The following TLN2 variants were observed in gnomAD, a reference collection of about 807,000 sequenced individuals.
TLN2 encodes the protein talin 2.
TLN2 carries 118 observed loss-of-function variants against 294.7 expected under a neutral mutation model. The ratio of observed to expected loss-of-function variants is 0.40; its 90% CI spans 0.34 to 0.47. The LOEUF is 0.47. TLN2 is among the 20% of genes least tolerant of loss of function. TLN2 has a pLI of 0.84. For missense variants in TLN2, 3,083 were observed against 3,282.2 expected (o/e 0.94, Z 1.48); for synonymous variants, 1,431 against 1,304.5 (o/e 1.10, Z -2.09).
chr15:62,700,508 G>T (rs1029119370), intron 16 of TLN2, among the ~76,000 whole-genome samples: 1 of 152,204 alleles, frequency 6.6e-6, no homozygotes, highest in African/African-American at 2.4e-5. Context: ...CCTATGATTT[G>T]CCCGAGGTCC....
intron 14 of TLN2, 49 bp from the exon 15 acceptor site, chr15:62,697,639 C>T (rs2141085406): frequency 6.4e-7 from 1 of 1,551,772 alleles, no homozygotes; most frequent in South Asian, 1.2e-5. Flanking sequence ...CCTCATTGCA[C>T]TCCACATGGC....
intron 12 of TLN2, among the ~76,000 whole-genome samples, chr15:62,689,019 A>C (rs2057534597): frequency 6.8e-6 from 1 of 148,110 alleles, no homozygotes; most frequent in African/African-American, 2.5e-5. Context: ...TTAGGGCCCA[A>C]GTCTATCATT....
chr15:62,653,228 C>T lies in TLN2; in HGVS notation c.431C>T (p.Thr144Met), dbSNP rs142023685. 6.1e-5 allele frequency: 99 copies of T among 1,612,422 alleles called. No homozygotes were observed. The highest frequency in any genetic ancestry group is 1.5e-4 in the African/African-American group (11 of 74,970). The change falls in exon 7 of 59, where the codon ACG becomes ATG. Residue 144 changes from threonine to methionine, a missense_variant. Thr to Met is a moderately conservative substitution (Grantham distance 81). Coordinates refer to ENST00000636159, the MANE Select transcript of TLN2 (RefSeq NM_015059.3). ...ATTGAAGAAAAGAAAGAGGAAGGAA[C>T]GGGCACACTCAAAAAAGACAGGACA... The part of the protein sequence containing the change: ...ETIEEKKEEG[T>M]GTLKKDRTLL...
At chr15:62,544,102 A>G (rs2041856252) in intron 1 of TLN2, among the ~76,000 whole-genome samples, 2 of 152,192 alleles carry the variant, frequency 1.3e-5, no homozygotes, top group South Asian at 4.1e-4. Flanking sequence ...TTTGTATAAT[A>G]ATCATTTGTG....
chr15:62,820,665 G>C (rs938311244), intron 54 of TLN2, 55 bp downstream of exon 54: 1 of 1,585,658 alleles, frequency 6.3e-7, no homozygotes, highest in Non-Finnish European at 8.6e-7. Context: ...TCCAGTGGGT[G>C]GCTGTGAAAT....
At chr15:62,613,007 A>C (rs1301000789) in intron 2 of TLN2, among the ~76,000 whole-genome samples, 1 of 152,184 alleles carries the variant, frequency 6.6e-6, no homozygotes, top group African/African-American at 2.4e-5. Context: ...GTAGCAGGGG[A>C]TACAGGAGTA....
intron 2 of TLN2, among the ~76,000 whole-genome samples, chr15:62,608,936 A>G (rs2140813622): frequency 6.6e-6 from 1 of 152,052 alleles, no homozygotes; most frequent in Non-Finnish European, 1.5e-5. Flanking sequence ...CAGAGGAGGG[A>G]TAAGATGGGT....
At chr15:62,410,071 G>A (rs369760216) in intron 1 of TLN2, among the ~76,000 whole-genome samples, 31 of 152,104 alleles carry the variant, frequency 2.0e-4, no homozygotes, top group African/African-American at 7.2e-4. Flanking sequence ...GTAAAACCCC[G>A]TCTCTACTAA....
intron 41 of TLN2, among the ~76,000 whole-genome samples, chr15:62,767,500 C>G (rs531157053): frequency 6.6e-6 from 1 of 152,112 alleles, no homozygotes; most frequent in Non-Finnish European, 1.5e-5. Context: ...CACCACCATG[C>G]CCGGCTAATT....
At chr15:62,818,670 T>C (rs924325580) in intron 52 of TLN2, among the ~76,000 whole-genome samples, 1 of 152,080 alleles carries the variant, frequency 6.6e-6, no homozygotes, top group African/African-American at 2.4e-5. Flanking sequence ...ACTCTGGAAA[T>C]GGATTGTTTT....
At position 62,582,237 on chromosome 15, in the gene TLN2, CA is replaced by C. The variant is rs56895598; in HGVS notation, c.-237-7449del. 9.0e-4 allele frequency among the ~76,000 whole-genome samples: 132 copies of C among 146,592 alleles called. 4 individuals carry two copies. The highest frequency in any genetic ancestry group is 4.7e-3 in the South Asian group (20 of 4,258). Reference sequence around the variant, plus strand: ...ACACACACACACACACACACACACACACACACACACATTCATGCCTGACCCA... The same window carrying C: ...ACACACACACACACACACACACACACCACACACACATTCATGCCTGACCCA... On this transcript the variant is annotated intron_variant, in intron 1 of 58. Coordinates refer to ENST00000636159, the MANE Select transcript of TLN2 (RefSeq NM_015059.3).
chr15:62,629,061 G>A (rs2049542822), intron 3 of TLN2, among the ~76,000 whole-genome samples: 1 of 152,082 alleles, frequency 6.6e-6, no homozygotes, highest in Non-Finnish European at 1.5e-5. Context: ...GCTTGGCATA[G>A]TAGCACATAC....
chr15:62,497,251 A>G (rs1052873215), intron 1 of TLN2, among the ~76,000 whole-genome samples: 2 of 152,206 alleles, frequency 1.3e-5, no homozygotes, highest in Non-Finnish European at 2.9e-5. Flanking sequence ...TATATCCTAC[A>G]TATGGACTTG....
chr15:62,454,076 A>G (rs1595841826), intron 1 of TLN2, among the ~76,000 whole-genome samples: 1 of 152,108 alleles, frequency 6.6e-6, no homozygotes, highest in East Asian at 1.9e-4. Context: ...GGCACACGCT[A>G]TGCTCCCTTC....
At chr15:62,506,436 C>A (rs1254942677) in intron 1 of TLN2, among the ~76,000 whole-genome samples, 1 of 152,212 alleles carries the variant, frequency 6.6e-6, no homozygotes, top group Non-Finnish European at 1.5e-5. Flanking sequence ...GAGGTAGTCA[C>A]ATGGGTGGTA....
intron 1 of TLN2, among the ~76,000 whole-genome samples, chr15:62,465,945 G>T (rs2037111346): frequency 6.6e-6 from 1 of 152,188 alleles, no homozygotes; most frequent in South Asian, 2.1e-4. Context: ...GGAACTCCTT[G>T]TGTCTCATTC....
chr15:62,631,979 G>A (rs7180961), intron 3 of TLN2, among the ~76,000 whole-genome samples: 40,038 of 152,016 alleles, frequency 0.26, 6,698 homozygotes, highest in East Asian at 0.65. Context: ...GGTGATGTGC[G>A]AGCCCACAAG....
intron 1 of TLN2, among the ~76,000 whole-genome samples, chr15:62,512,787 C>G (rs2039996250): frequency 6.6e-6 from 1 of 152,190 alleles, no homozygotes; most frequent in South Asian, 2.1e-4. Flanking sequence ...CCATCCTACA[C>G]AAATCCTCCA....
At chr15:62,609,699 A>T (rs1251809916) in intron 2 of TLN2, among the ~76,000 whole-genome samples, 1 of 152,112 alleles carries the variant, frequency 6.6e-6, no homozygotes, top group Non-Finnish European at 1.5e-5. Flanking sequence ...CCTGTTACCG[A>T]TGGTGCCCAG....
Sources: gnomAD v4.1 joint callset for allele counts (sites outside exome capture counted in the v4.1 genomes callset) on GRCh38, gnomAD v4.1.1 for gene constraint, MANE v1.5 for transcripts, NCBI Gene and HGNC (gene_info 2026-07-23, HGNC 2026-07-21) for gene names.